The following MFNG variants were observed in gnomAD, a reference collection of about 807,000 sequenced individuals.
The protein encoded by MFNG is MFNG O-fucosylpeptide 3-beta-N-acetylglucosaminyltransferase.
Under a neutral mutation model 34.2 loss-of-function variants are expected in MFNG, and 24 were observed. That is an observed-to-expected ratio of 0.70 (90% confidence interval 0.51 to 0.99). MFNG has a LOEUF of 0.99. MFNG is among the 50% of genes least tolerant of loss of function. The probability of loss-of-function intolerance (pLI) is 0.00; values close to 1 mark genes in which losing one functional copy is unlikely to be tolerated. For synonymous variants in MFNG, 158 were observed against 179.2 expected, an observed-to-expected ratio of 0.88 and a Z score of 0.94; for missense variants, 383 against 424.0, an observed-to-expected ratio of 0.90 and a Z score of 0.85.
rs747758874 is a variant in MFNG at position 37,485,791 on chromosome 22, G to A, written c.255+132C>T. 150 of 1,132,320 alleles carry A rather than the reference G, an allele frequency of 1.3e-4. No homozygotes were observed. Among genetic ancestry groups the A allele is most frequent in the Non-Finnish European group, 1.8e-4 (143 of 811,776 alleles). 70.1% of individuals were successfully genotyped at this position (1,132,320 alleles called of 1,614,324 possible). A position where few individuals can be genotyped will look rare whatever the true frequency, so the allele number is the denominator to read the frequency against. On this transcript the variant is annotated intron_variant, in intron 1 of 7. Transcript: ENST00000356998. This position sits in a 1 kb window ranked among gnomAD's most constrained non-coding sequence, Gnocchi z 5.3. Reference sequence around the variant, plus strand: ...AGCCCGGAAGAAGGAGAGAGGAAGAGGATCCCTGATTAGGCAGGTATTGAG... The same window carrying A: ...AGCCCGGAAGAAGGAGAGAGGAAGAAGATCCCTGATTAGGCAGGTATTGAG...
Position 37,486,258 on chromosome 22 carries a change from C to T in MFNG, c.-81G>A. On this transcript the variant is annotated 5_prime_UTR_variant, in exon 1 of 8. Coordinates refer to ENST00000356998, the MANE Select transcript of MFNG (RefSeq NM_002405.4). ...GGGGAAGCTGGTCAGGCAGGGGCTC[C>T]AGCAGAGGCAAAAGTCTGGCAGGCA... 1 of 1,404,376 alleles carries T rather than the reference C, an allele frequency of 7.1e-7. No individual in the cohort carries two copies. The highest frequency in any genetic ancestry group is 1.5e-5 in the South Asian group (1 of 66,018). The allele number at this position is 1,404,376 out of a possible 1,614,324, so 87.0% of individuals were successfully genotyped here.
At position 37,486,094 on chromosome 22, in the gene MFNG, C is replaced by A. The variant is rs1235707780; in HGVS notation, c.84G>T (p.Leu28Phe). ...CTTGTACCCGCTGCGGGGACAGGTT[C>A]AAGTGGTACCGCAGACACAGGAGCC... ...CMGLLCLRYH[L>F]NLSPQRVQGT... The change falls in exon 1 of 8, where the codon TTG (leucine) becomes TTT (phenylalanine). Residue 28 changes from leucine (L) to phenylalanine (F), a missense_variant. Coordinates refer to ENST00000356998, the MANE Select transcript of MFNG (RefSeq NM_002405.4). The A allele has an allele frequency of 1.7e-5, 28 of 1,613,126 alleles. No homozygotes were observed. Among genetic ancestry groups the A allele is most frequent in the Non-Finnish European group, 2.2e-5 (26 of 1,179,480 alleles).
Position 37,480,180 on chromosome 22 carries a change from G to A in MFNG, c.407+17C>T, listed in dbSNP as rs757590269. 1.1e-5 allele frequency: 18 copies of A among 1,588,214 alleles called. No homozygotes were observed. Among genetic ancestry groups the A allele is most frequent in the Non-Finnish European group, 1.5e-5 (17 of 1,159,332 alleles). The stretch of plus-strand genomic sequence containing the variant: ...GGCCCAGACCACACTTATCCCCAGA[G>A]ACCCAGGAACACTCGCCTAAGCCCA... On this transcript the variant is annotated intron_variant, in intron 3 of 7. Coordinates refer to ENST00000356998, the MANE Select transcript of MFNG (RefSeq NM_002405.4).
rs138876163 is a variant in MFNG, at chr22:37,474,890, G to A, written c.648-213C>T. Among the ~76,000 whole-genome samples, 619 of 152,332 alleles carry A rather than the reference G, an allele frequency of 4.1e-3. 4 individuals carry two copies. Among genetic ancestry groups the A allele is most frequent in the African/African-American group, 0.014 (588 of 41,570 alleles). ...TGGGGATGCTAATGGCCGTGTCTTC[G>A]TGGAGCTGTCGTGAGGATTAAACAG... On this transcript the variant is annotated intron_variant, in intron 5 of 7. Coordinates refer to ENST00000356998, the MANE Select transcript of MFNG (RefSeq NM_002405.4).
In MFNG at chr22:37,469,583, TGA is replaced by T; in HGVS notation, c.*378_*379del. 2.8e-6 allele frequency: 1 copy of T among 362,322 alleles called. No homozygotes were observed. The highest frequency in any genetic ancestry group is 2.1e-5 in the South Asian group (1 of 46,530). 22.4% of individuals were successfully genotyped at this position (362,322 alleles called of 1,614,324 possible). A position where few individuals can be genotyped will look rare whatever the true frequency, so the allele number is the denominator to read the frequency against. On this transcript the variant is annotated 3_prime_UTR_variant, in exon 8 of 8. Transcript: ENST00000356998. ...AGCGCTTGAGCCCCAGGGGAATGAC[TGA>T]GAGACATTAGCCAGGGCCAACGGCC...
intron 6 of MFNG, among the ~76,000 whole-genome samples, chr22:37,473,777 G>A (rs775662958): frequency 3.3e-5 from 5 of 152,228 alleles, no homozygotes; most frequent in Non-Finnish European, 7.3e-5. Context: ...ACCTGAGGAT[G>A]GGCCAACTTG....
rs894862517 is a variant in MFNG at position 37,483,493 on chromosome 22, G to A, written c.255+2430C>T. ...CCAAATGGGCTGAGGACTGTTTCCC[G>A]GTGAAGATCTAGTAAGCCTGAATAA... On this transcript the variant is annotated intron_variant, in intron 1 of 7. Coordinates refer to ENST00000356998, the MANE Select transcript of MFNG (RefSeq NM_002405.4). This position sits in a 1 kb window ranked among gnomAD's most constrained non-coding sequence, Gnocchi z 4.5. 1.4e-4 allele frequency among the ~76,000 whole-genome samples: 21 copies of A among 150,984 alleles called. No homozygotes were observed. The highest frequency in any genetic ancestry group is 5.9e-5 in the Non-Finnish European group (4 of 67,896).
chr22:37,484,989 G>T (rs1922476278), intron 1 of MFNG, among the ~76,000 whole-genome samples: 1 of 152,088 alleles, frequency 6.6e-6, no homozygotes, highest in Non-Finnish European at 1.5e-5. Flanking sequence ...GTGTGTGTGT[G>T]TGTGTGTGTA....
At chr22:37,473,823 C>G (rs1171983205) in intron 6 of MFNG, among the ~76,000 whole-genome samples, 2 of 152,252 alleles carry the variant, frequency 1.3e-5, no homozygotes, top group Non-Finnish European at 2.9e-5. Context: ...CCAACAATTT[C>G]CTTTTCAGGT....
chr22:37,477,701 C>A (rs184955522), intron 4 of MFNG, among the ~76,000 whole-genome samples: 5 of 152,140 alleles, frequency 3.3e-5, no homozygotes, highest in Non-Finnish European at 5.9e-5. Flanking sequence ...TCACCTGCCT[C>A]GGCCTCCCAA....
chr22:37,474,780 G>A (rs1218057412), intron 5 of MFNG, 103 bp from the exon 6 acceptor site: 4 of 1,277,730 alleles, frequency 3.1e-6, no homozygotes, highest in Middle Eastern at 4.4e-4. Flanking sequence ...TGGCAGAACA[G>A]AGCACCTGCC....
chr22:37,481,057 A>T (rs767091366), intron 1 of MFNG: 1 of 470,434 alleles, frequency 2.1e-6, no homozygotes, highest in Non-Finnish European at 3.9e-6. Flanking sequence ...CCTGGGCAGC[A>T]TCTCACCCTC....
chr22:37,472,665 T>TG (rs1921864686), intron 6 of MFNG, 137 bp from the exon 7 acceptor site: 1 of 780,230 alleles, frequency 1.3e-6, no homozygotes, highest in South Asian at 1.8e-5. Flanking sequence ...CCGCTGGTGG[T>TG]GGGAGCCCAC....
intron 6 of MFNG, among the ~76,000 whole-genome samples, chr22:37,474,204 G>A (rs986708723): frequency 1.3e-5 from 2 of 152,202 alleles, no homozygotes; most frequent in Admixed American, 6.5e-5. Context: ...AGAGCAGGGT[G>A]GTGGGAACCT....
intron 6 of MFNG, among the ~76,000 whole-genome samples, chr22:37,473,780 C>T (rs1921915214): frequency 6.6e-6 from 1 of 152,212 alleles, no homozygotes; most frequent in Non-Finnish European, 1.5e-5. Context: ...TGAGGATGGG[C>T]CAACTTGGGG....
At chr22:37,474,725 C>A in intron 5 of MFNG, 48 bp from the exon 6 acceptor site, 1 of 1,535,890 alleles carries the variant, frequency 6.5e-7, no homozygotes, top group South Asian at 1.3e-5. Context: ...CCCTCCACAC[C>A]CAGAGCCGTG....
intron 3 of MFNG, among the ~76,000 whole-genome samples, chr22:37,479,994 T>C (rs1922219127): frequency 6.6e-6 from 1 of 151,716 alleles, no homozygotes; most frequent in South Asian, 2.1e-4. Flanking sequence ...AGAAGAACGA[T>C]ACTCTGTCTC....
At position 37,479,363 on chromosome 22, in the gene MFNG, T is replaced by C. The variant is rs765445375; in HGVS notation, c.543A>G (p.Pro181=). The change falls in exon 4 of 8, where the codon CCA becomes CCG. Residue 181 remains proline (P), a synonymous_variant. Transcript: ENST00000356998. The stretch of plus-strand genomic sequence containing the variant: ...GACCCACCGTGCGGTTGTGGGGCTG[T>C]GGCTCTGAGGCATGGATGGGCCGGT... The part of the protein sequence containing the change: ...SLNRPIHASE[P]QPHNRTRLVQ... The C allele has an allele frequency of 6.3e-7, 1 of 1,592,094 alleles. No homozygotes were observed. Among genetic ancestry groups the C allele is most frequent in the Non-Finnish European group, 8.6e-7 (1 of 1,168,714 alleles).
At position 37,479,358 on chromosome 22, in the gene MFNG, G is replaced by A. The variant is rs759823525; in HGVS notation, c.548C>T (p.Pro183Leu). 28 of 1,590,596 alleles carry A rather than the reference G, an allele frequency of 1.8e-5. No individual in the cohort carries two copies. ...NRPIHASEPQ[P>L]HNRTRLVQFW... ...AGAGGGACCCACCGTGCGGTTGTGG[G>A]GCTGTGGCTCTGAGGCATGGATGGG... Residue 183 changes from proline to leucine, a missense_variant, in exon 4 of 8, where the codon CCC becomes CTC. By Grantham distance (98) the Pro-to-Leu change is moderately conservative. Coordinates refer to ENST00000356998, the MANE Select transcript of MFNG (RefSeq NM_002405.4).
Sources: gnomAD v4.1 joint callset for allele counts (sites outside exome capture counted in the v4.1 genomes callset) on GRCh38, gnomAD v4.1.1 for gene constraint, Gnocchi (gnomAD v3.1) non-coding constraint, MANE v1.5 for transcripts, NCBI Gene and HGNC (gene_info 2026-07-23, HGNC 2026-07-21) for gene names.